FMNL3: variants seen among roughly 807,000 people sequenced by gnomAD.
FMNL3 encodes the protein formin-like protein 3.
In FMNL3, 57 loss-of-function variants were observed where a neutral mutation model predicts 119.6. That is an observed-to-expected ratio of 0.48 (90% CI 0.39 to 0.59). FMNL3 has a LOEUF of 0.59. Ranked by LOEUF, FMNL3 falls within the 20% of genes least tolerant of loss-of-function variation. The pLI, the probability that FMNL3 is intolerant of heterozygous loss-of-function variation, is 0.00. For synonymous variants in FMNL3, 491 were observed against 507.3 expected (o/e 0.97, Z 0.43); for missense variants, 1,053 against 1,323.5 (o/e 0.80, Z 3.17).
At chr12:49,669,601 G>GT (rs1488884884) in intron 1 of FMNL3, among the ~76,000 whole-genome samples, 1 of 152,138 alleles carries the variant, frequency 6.6e-6, no homozygotes, top group Non-Finnish European at 1.5e-5. Flanking sequence ...GGAGGCCGAG[G>GT]TGGGCGGATC....
intron 1 of FMNL3, among the ~76,000 whole-genome samples, chr12:49,702,232 G>C (rs1478538343): frequency 6.6e-6 from 1 of 152,204 alleles, no homozygotes; most frequent in Non-Finnish European, 1.5e-5. Context: ...AAGCCTGGGA[G>C]TTCAAAGCTG....
chr12:49,637,481 C>A lies in FMNL3; in HGVS notation c.*8334G>T, dbSNP rs752835790. ...CTCTCCCTGCTCAGACCTTCCTGGA[C>A]GAGCTGCATGAGACAGGGCAGCTGC... On this transcript the variant is annotated 3_prime_UTR_variant, in exon 26 of 26. Transcript: ENST00000335154. 1 of 1,613,016 alleles carries A rather than the reference C, an allele frequency of 6.2e-7. No homozygotes were observed. The highest frequency in any genetic ancestry group is 8.5e-7 in the Non-Finnish European group (1 of 1,179,768).
chr12:49,652,480 C>A (rs1943435774), intron 13 of FMNL3, among the ~76,000 whole-genome samples: 1 of 152,124 alleles, frequency 6.6e-6, no homozygotes, highest in South Asian at 2.1e-4. Context: ...CCTCAAAGCC[C>A]AGGAAAAAAG....
Position 49,652,155 on chromosome 12 carries a change from T to C in FMNL3, c.1381A>G (p.Lys461Glu), listed in dbSNP as rs559972863. The C allele has an allele frequency of 4.3e-5, 70 of 1,613,362 alleles. 1 individual carries two copies. Among genetic ancestry groups the C allele is most frequent in the Admixed American group, 2.2e-4 (13 of 59,958 alleles). ...VHTLRRLIKEKEEAFQRRCHL... is the reference protein window; with the variant it reads ...VHTLRRLIKEEEEAFQRRCHL... ...CATCGACGCTGAAAGGCCTCCTCCTTCTCTTTAATGAGCCTCCGCAGGGTG... is the reference window on the plus strand; with the variant it reads ...CATCGACGCTGAAAGGCCTCCTCCTCCTCTTTAATGAGCCTCCGCAGGGTG... Residue 461 changes from lysine to glutamate, a missense_variant, in exon 14 of 26, where the codon AAG (lysine) becomes GAG (glutamate). Physicochemically the swap from Lys to Glu is moderately conservative, Grantham distance 56. This residue lies in a region of FMNL3 where 445 missense variants were observed against 628.4 expected (regional missense o/e 0.71). Coordinates refer to ENST00000335154, the MANE Select transcript of FMNL3 (RefSeq NM_175736.5).
intron 1 of FMNL3, among the ~76,000 whole-genome samples, chr12:49,704,004 T>C (rs1399923475): frequency 1.3e-5 from 2 of 152,164 alleles, no homozygotes; most frequent in Non-Finnish European, 2.9e-5. Context: ...ACACAAGTGA[T>C]CTCAGATCTG....
Position 49,668,464 on chromosome 12 carries a change from C to A in FMNL3, c.210+7G>T, listed in dbSNP as rs1216145117. The A allele has an allele frequency of 6.2e-7, 1 of 1,613,838 alleles. No individual in the cohort carries two copies. Reference sequence around the variant, plus strand: ...CCTACCTCCCTCCTCTTTCCCAAACCCCATACCTGGTCACAGATCAGATCC... The same window carrying A: ...CCTACCTCCCTCCTCTTTCCCAAACACCATACCTGGTCACAGATCAGATCC... On this transcript the variant is annotated splice_region_variant and intron_variant, in intron 2 of 25. Transcript: ENST00000335154.
In FMNL3 at chr12:49,643,076, CT is replaced by C; in HGVS notation, c.*2738del. 6.3e-7 allele frequency: 1 copy of C among 1,593,002 alleles called. No individual in the cohort carries two copies. Among genetic ancestry groups the C allele is most frequent in the South Asian group, 1.1e-5 (1 of 90,226 alleles). On this transcript the variant is annotated 3_prime_UTR_variant, in exon 26 of 26. Coordinates refer to ENST00000335154, the MANE Select transcript of FMNL3 (RefSeq NM_175736.5). ...CTGGGTTGTTTTGGGGAAATAAACA[CT>C]TTGTTTTCCCCTTACAATATCTCCC...
chr12:49,704,703 T>A (rs1436564528), intron 1 of FMNL3, among the ~76,000 whole-genome samples: 2 of 87,968 alleles, frequency 2.3e-5, no homozygotes, highest in African/African-American at 4.7e-5. Context: ...AGAGCCAAAC[T>A]CCATCTCAAA....
intron 12 of FMNL3, 100 bp from the exon 13 acceptor site, chr12:49,653,427 A>C: frequency 8.5e-7 from 1 of 1,177,748 alleles, no homozygotes; most frequent in Middle Eastern, 2.2e-4. Context: ...CCTCAACACA[A>C]GGCCACAAAG....
chr12:49,679,018 CAAT>C (rs1165218877), intron 1 of FMNL3, among the ~76,000 whole-genome samples: 3 of 152,118 alleles, frequency 2.0e-5, no homozygotes, highest in African/African-American at 7.2e-5. Flanking sequence ...AGGATAATAA[CAAT>C]AATAACACTA....
chr12:49,662,093 G>T, intron 4 of FMNL3, 44 bp from the exon 5 acceptor site: 3 of 1,589,338 alleles, frequency 1.9e-6, no homozygotes, highest in South Asian at 1.1e-5. Flanking sequence ...GCTAAAAGTG[G>T]GTCAAGGATG....
intron 9 of FMNL3, among the ~76,000 whole-genome samples, chr12:49,655,422 C>T (rs1555218361): frequency 1.3e-5 from 2 of 152,154 alleles, no homozygotes; most frequent in South Asian, 2.1e-4. Context: ...CAGAGTGAGA[C>T]TCCATCTCAA....
rs566683290 is a variant in FMNL3 at position 49,646,201 on chromosome 12, C to T, written c.2996-298G>A. 1.2e-3 allele frequency among the ~76,000 whole-genome samples: 184 copies of T among 152,266 alleles called. 2 individuals are homozygous for T. The highest frequency in any genetic ancestry group is 2.0e-3 in the Non-Finnish European group (139 of 68,018). ...AGGAAAAGACCCCAGGCTGACTGGA[C>T]GTCAGGAAACAGATCAAGGGACATC... is the stretch of plus-strand genomic sequence containing the variant. On this transcript the variant is annotated intron_variant, in intron 25 of 25. Coordinates refer to ENST00000335154, the MANE Select transcript of FMNL3 (RefSeq NM_175736.5).
intron 4 of FMNL3, among the ~76,000 whole-genome samples, chr12:49,662,989 TTC>T (rs1811072171): frequency 6.6e-6 from 1 of 152,166 alleles, no homozygotes; most frequent in Admixed American, 6.5e-5. Flanking sequence ...TGCGGGGCCT[TTC>T]TCCCCAACAG....
chr12:49,674,219 T>C (rs918468346), intron 1 of FMNL3, among the ~76,000 whole-genome samples: 4 of 152,164 alleles, frequency 2.6e-5, no homozygotes, highest in Admixed American at 6.5e-5. Flanking sequence ...CAGCCTGAAA[T>C]GGGCTGAGTC....
intron 1 of FMNL3, among the ~76,000 whole-genome samples, chr12:49,682,072 C>CT (rs1265176099): frequency 2.4e-3 from 329 of 139,012 alleles, no homozygotes; most frequent in Middle Eastern, 0.011. Flanking sequence ...CAATTTCAAC[C>CT]TTTTTTTTTT....
intron 1 of FMNL3, among the ~76,000 whole-genome samples, chr12:49,694,790 T>C (rs1343709671): frequency 6.6e-6 from 1 of 151,970 alleles, no homozygotes; most frequent in Non-Finnish European, 1.5e-5. Context: ...CAGGCACCTG[T>C]AATCCCAGCT....
At chr12:49,668,328 A>G in intron 2 of FMNL3, 143 bp downstream of exon 2, 1 of 728,656 alleles carries the variant, frequency 1.4e-6, no homozygotes. Context: ...TCCTCTTGGA[A>G]AAGAAAGTGA....
intron 25 of FMNL3, 126 bp downstream of exon 25, chr12:49,646,760 C>G: frequency 6.3e-7 from 1 of 1,598,388 alleles, no homozygotes; most frequent in Non-Finnish European, 8.5e-7. Context: ...AGCACTGTGG[C>G]CCAGGAGAGA....
Sources: allele counts gnomAD v4.1 joint callset (sites outside exome capture counted in the v4.1 genomes callset), GRCh38; gene constraint gnomAD v4.1.1; regional missense constraint gnomAD v4.1.1; transcripts MANE v1.5; gene names NCBI Gene and HGNC (gene_info 2026-07-23, HGNC 2026-07-21).